The following DIAPH2 variants were observed in gnomAD, a reference collection of about 807,000 sequenced individuals.
The protein encoded by DIAPH2 is protein diaphanous homolog 2.
A neutral mutation model predicts 92.7 loss-of-function variants in DIAPH2; 35 were observed. The observed-to-expected ratio is 0.38, with a 90% CI of 0.29 to 0.50. The LOEUF is 0.50. DIAPH2 is among the 20% of genes least tolerant of loss of function. The probability of loss-of-function intolerance (pLI) is 0.94; values close to 1 mark genes in which losing one functional copy is unlikely to be tolerated. For synonymous variants in DIAPH2, 301 were observed against 280.4 expected (o/e 1.07, Z -0.73); for missense variants, 701 against 819.5 (o/e 0.86, Z 1.77).
intron 22 of DIAPH2, among the ~76,000 whole-genome samples, chrX:97,193,908 T>A (rs1422739349): frequency 8.9e-6 from 1 of 112,143 alleles, no homozygotes; most frequent in East Asian, 2.8e-4. Context: ...TATTATATAT[T>A]TGTATAATAC....
rs771893317 is a variant in DIAPH2, at chrX:97,253,344, A to C, written c.2844+5505A>C. ...AAGAGGAAAAGAGTGCTTTTTAAAAAAGTAAGATTCTTAGCATTTTTTGAA... is the reference window on the plus strand; with the variant it reads ...AAGAGGAAAAGAGTGCTTTTTAAAACAGTAAGATTCTTAGCATTTTTTGAA... On this transcript the variant is annotated intron_variant, in intron 23 of 26. Coordinates refer to ENST00000324765, the MANE Select transcript of DIAPH2 (RefSeq NM_006729.5). 9.5e-5 allele frequency among the ~76,000 whole-genome samples: 9 copies of C among 94,614 alleles called. 1 individual carries two copies. The highest frequency in any genetic ancestry group is 1.5e-4 in the Non-Finnish European group (7 of 45,648). The allele number at this position is 94,614 out of a possible 115,157, so 82.2% of individuals were successfully genotyped here.
At chrX:97,313,561 C>T (rs1340948766) in intron 23 of DIAPH2, among the ~76,000 whole-genome samples, 1 of 111,611 alleles carries the variant, frequency 9.0e-6, no homozygotes, top group Admixed American at 9.6e-5. Context: ...TATGTTGGTA[C>T]ATACAATTTG....
chrX:97,183,522 T>G (rs1300456201), intron 22 of DIAPH2, among the ~76,000 whole-genome samples: 1 of 112,367 alleles, frequency 8.9e-6, no homozygotes, highest in Admixed American at 9.5e-5. Context: ...TTTGTATAGA[T>G]TGCAGTCTTT....
intron 21 of DIAPH2, among the ~76,000 whole-genome samples, chrX:97,120,614 GTTTT>G (rs139009030): frequency 6.6e-4 from 50 of 75,825 alleles, no homozygotes; most frequent in African/African-American, 1.9e-3. Context: ...TTTTTTGTGG[GTTTT>G]TTTTTTTTTT....
chrX:97,205,626 A>G (rs763064690), intron 22 of DIAPH2, among the ~76,000 whole-genome samples: 64 of 111,957 alleles, frequency 5.7e-4, no homozygotes, highest in Non-Finnish European at 1.1e-3. Flanking sequence ...GCCAGTCAGA[A>G]TGATGATTAT....
intron 4 of DIAPH2, among the ~76,000 whole-genome samples, chrX:96,759,767 T>C (rs80227910): frequency 0.16 from 17,290 of 110,901 alleles, 1,171 homozygotes; most frequent in East Asian, 0.32. Context: ...GGACTGAATA[T>C]AATGATTATA....
At chrX:97,246,993 G>A (rs1035995868) in intron 22 of DIAPH2, among the ~76,000 whole-genome samples, 4 of 112,139 alleles carry the variant, frequency 3.6e-5, no homozygotes, top group Non-Finnish European at 5.6e-5. Context: ...TCTCCTGACA[G>A]ATCTGAAAAA....
chrX:97,253,012 G>A (rs1043639082), intron 23 of DIAPH2, among the ~76,000 whole-genome samples: 1 of 111,410 alleles, frequency 9.0e-6, no homozygotes, highest in Admixed American at 9.6e-5. Flanking sequence ...AGGGGGGCCG[G>A]GTGCAATGGC....
chrX:96,803,076 T>C (rs1456167951), intron 4 of DIAPH2, among the ~76,000 whole-genome samples: 2 of 111,030 alleles, frequency 1.8e-5, no homozygotes, highest in African/African-American at 3.3e-5. Context: ...CCACCCAGAT[T>C]GAGGGTGGGT....
intron 4 of DIAPH2, among the ~76,000 whole-genome samples, chrX:96,872,504 T>C (rs2065150537): frequency 9.4e-6 from 1 of 106,037 alleles, no homozygotes; most frequent in African/African-American, 3.4e-5. Context: ...TTTTTTTTTT[T>C]TTTTTGAGAT....
intron 24 of DIAPH2, among the ~76,000 whole-genome samples, chrX:97,383,688 G>GTA (rs921730028): frequency 1.8e-5 from 2 of 108,268 alleles, no homozygotes; most frequent in Non-Finnish European, 3.8e-5. Context: ...TCTCTCAAAA[G>GTA]TATATATATG....
At chrX:97,160,182 T>C (rs1371260391) in intron 22 of DIAPH2, among the ~76,000 whole-genome samples, 1 of 111,734 alleles carries the variant, frequency 8.9e-6, no homozygotes, top group Non-Finnish European at 1.9e-5. Context: ...TGTAACTGCT[T>C]TTCTCCAAGA....
At chrX:96,813,337 T>C (rs2064701963) in intron 4 of DIAPH2, among the ~76,000 whole-genome samples, 1 of 110,540 alleles carries the variant, frequency 9.0e-6, no homozygotes, top group South Asian at 3.9e-4. Context: ...GAGACTAGGA[T>C]TGCAACTCCT....
At chrX:97,164,647 C>T (rs993609638) in intron 22 of DIAPH2, among the ~76,000 whole-genome samples, 13 of 112,312 alleles carry the variant, frequency 1.2e-4, no homozygotes, top group African/African-American at 3.9e-4. Context: ...TATCAGCTTT[C>T]TCAGTAAATT....
At chrX:97,295,333 GAACA>G (rs1367782804) in intron 23 of DIAPH2, among the ~76,000 whole-genome samples, 1 of 111,907 alleles carries the variant, frequency 8.9e-6, no homozygotes, top group African/African-American at 3.2e-5. Flanking sequence ...TATGAATTAG[GAACA>G]AACAAAGGTA....
At chrX:96,889,463 A>G (rs978852347) in intron 5 of DIAPH2, among the ~76,000 whole-genome samples, 1 of 112,036 alleles carries the variant, frequency 8.9e-6, no homozygotes, top group African/African-American at 3.2e-5. Context: ...TACGAAAACA[A>G]TTTTTTAACA....
chrX:96,940,690 A>G (rs570114541), intron 12 of DIAPH2, among the ~76,000 whole-genome samples: 1 of 112,055 alleles, frequency 8.9e-6, no homozygotes, highest in Non-Finnish European at 1.9e-5. Flanking sequence ...TGTTTAAAAT[A>G]TTAAATTGTG....
At chrX:97,301,137 C>T (rs1163513325) in intron 23 of DIAPH2, among the ~76,000 whole-genome samples, 2 of 82,099 alleles carry the variant, frequency 2.4e-5, no homozygotes, top group African/African-American at 5.0e-5. Flanking sequence ...GGCCACAGAG[C>T]GAGACTCCGT....
At chrX:96,768,233 T>C (rs1182642096) in intron 4 of DIAPH2, among the ~76,000 whole-genome samples, 1 of 112,093 alleles carries the variant, frequency 8.9e-6, no homozygotes, top group Non-Finnish European at 1.9e-5. Context: ...TAGCAAACAT[T>C]GTAATGACCA....
Sources: gnomAD v4.1 joint callset for allele counts (sites outside exome capture counted in the v4.1 genomes callset) on GRCh38, gnomAD v4.1.1 for gene constraint, MANE v1.5 for transcripts, NCBI Gene and HGNC (gene_info 2026-07-23, HGNC 2026-07-21) for gene names.